Variants in TTL observed in about 807,000 individuals in gnomAD.
TTL encodes the protein tubulin--tyrosine ligase.
Under a neutral mutation model 41.1 loss-of-function variants are expected in TTL, and 10 were observed. The observed-to-expected ratio is 0.24, with a 90% confidence interval of 0.15 to 0.41. The LOEUF (loss-of-function observed/expected upper bound fraction) is 0.41. Among genes scored for constraint, TTL ranks in the 10% least tolerant of loss-of-function variants. The probability of loss-of-function intolerance (pLI) is 1.00; values close to 1 mark genes in which losing one functional copy is unlikely to be tolerated. For synonymous variants in TTL, 175 were observed against 175.5 expected (o/e 1.00, Z 0.02); for missense variants, 367 against 460.4 (o/e 0.80, Z 1.86).
chr2:112,516,801 A>G (rs7559710), intron 5 of TTL, among the ~76,000 whole-genome samples: 28,619 of 152,056 alleles, frequency 0.19, 2,827 homozygotes, highest in East Asian at 0.29. Flanking sequence ...CTTTTTCCTT[A>G]CTGTATTCTC....
intron 5 of TTL, among the ~76,000 whole-genome samples, chr2:112,510,649 T>A (rs1242084074): frequency 2.0e-5 from 3 of 152,176 alleles, no homozygotes; most frequent in Non-Finnish European, 1.5e-5. Context: ...TTTTGTATTT[T>A]TAGGAGACAC....
At position 112,532,762 on chromosome 2, in the gene TTL, C is replaced by CGACTCTTAAAAAATAAAA; in HGVS notation, c.*3967_*3968insGACTCTTAAAAAATAAAA. On this transcript the variant is annotated 3_prime_UTR_variant, in exon 7 of 7. Coordinates refer to ENST00000233336, the MANE Select transcript of TTL (RefSeq NM_153712.5). Reference sequence around the variant, plus strand: ...TTTGCATACTTTTTGTTTTTTTCTCCAACTCTTAGCTCATAGGCCGTATAA... The same window carrying CGACTCTTAAAAAATAAAA: ...TTTGCATACTTTTTGTTTTTTTCTCCGACTCTTAAAAAATAAAAAACTCTTAGCTCATAGGCCGTATAA... The CGACTCTTAAAAAATAAAA allele has an allele frequency of 7.0e-6, 1 of 142,342 alleles. No individual in the cohort carries two copies. Among genetic ancestry groups the CGACTCTTAAAAAATAAAA allele is most frequent in the African/African-American group, 2.9e-5 (1 of 34,766 alleles). The allele number at this position is 142,342 out of a possible 1,614,324, so 8.8% of individuals were successfully genotyped here. A position where few individuals can be genotyped will look rare whatever the true frequency, so the allele number is the denominator to read the frequency against.
At position 112,531,489 on chromosome 2, in the gene TTL, C is replaced by G. The variant is rs1480605116; in HGVS notation, c.*2694C>G. 1 of 229,734 alleles carries G rather than the reference C, an allele frequency of 4.4e-6. No individual in the cohort carries two copies. Among genetic ancestry groups the G allele is most frequent in the African/African-American group, 2.2e-5 (1 of 45,108 alleles). The allele number at this position is 229,734 out of a possible 1,614,324, so 14.2% of individuals were successfully genotyped here. ...AGGAAGATGCAAGAGCCTTTAGTAC[C>G]AAGGTTCTCAACACTGACTACATGC... is the stretch of plus-strand genomic sequence containing the variant. On this transcript the variant is annotated 3_prime_UTR_variant, in exon 7 of 7. Transcript: ENST00000233336.
chr2:112,491,744 T>C (rs905266646), intron 2 of TTL, among the ~76,000 whole-genome samples: 7 of 152,322 alleles, frequency 4.6e-5, no homozygotes, highest in Non-Finnish European at 1.0e-4. Flanking sequence ...AAAATACTTA[T>C]CAAGTTTATT....
rs528764929 is a variant in TTL at position 112,534,395 on chromosome 2, G to A, written c.*5600G>A. On this transcript the variant is annotated 3_prime_UTR_variant, in exon 7 of 7. Transcript: ENST00000233336. ...AAAGCAAGCTTTCTGACATTTTAAT[G>A]TACCCTATTCCCACTCCCCCTTTCC... is the stretch of plus-strand genomic sequence containing the variant. The A allele has an allele frequency of 6.7e-6, 1 of 149,938 alleles. No individual in the cohort carries two copies. The highest frequency in any genetic ancestry group is 1.5e-5 in the Non-Finnish European group (1 of 67,580). 9.3% of individuals were successfully genotyped at this position (149,938 alleles called of 1,614,324 possible).
chr2:112,512,511 C>G (rs1681952042), intron 5 of TTL, among the ~76,000 whole-genome samples: 1 of 152,122 alleles, frequency 6.6e-6, no homozygotes, highest in Non-Finnish European at 1.5e-5. Flanking sequence ...ATCCGTCCAC[C>G]TCGGCCTCCC....
At chr2:112,491,572 A>G (rs939035698) in intron 2 of TTL, among the ~76,000 whole-genome samples, 1 of 152,226 alleles carries the variant, frequency 6.6e-6, no homozygotes, top group African/African-American at 2.4e-5. Flanking sequence ...TTTTAAAACT[A>G]CATTTGCATC....
chr2:112,500,441 C>T (rs1681659021), intron 3 of TTL, among the ~76,000 whole-genome samples: 2 of 151,992 alleles, frequency 1.3e-5, no homozygotes, highest in Non-Finnish European at 2.9e-5. Flanking sequence ...CATGGTGGTG[C>T]ACGCCTGTAA....
chr2:112,488,864 G>T (rs1159461057), intron 2 of TTL, among the ~76,000 whole-genome samples: 1 of 152,060 alleles, frequency 6.6e-6, no homozygotes, highest in Non-Finnish European at 1.5e-5. Context: ...CGAGGCGGGC[G>T]GATCACGATG....
chr2:112,486,373 C>CA (rs1274939340), intron 2 of TTL, among the ~76,000 whole-genome samples: 1 of 152,214 alleles, frequency 6.6e-6, no homozygotes, highest in Non-Finnish European at 1.5e-5. Context: ...AATGGCACCT[C>CA]AGAGTTGTCA....
Position 112,529,847 on chromosome 2 carries a change from T to A in TTL, c.*1052T>A, listed in dbSNP as rs55976150. The A allele has an allele frequency of 6.2e-3, 1,380 of 222,878 alleles. 8 individuals are homozygous for A. The highest frequency in any genetic ancestry group is 9.6e-3 in the Non-Finnish European group (1,069 of 111,544). The allele number at this position is 222,878 out of a possible 1,614,324, so 13.8% of individuals were successfully genotyped here. A position where few individuals can be genotyped will look rare whatever the true frequency, so the allele number is the denominator to read the frequency against. ...GTATTAGGAGAGTATATATCCTGCCTGAATGGGGAAGTCTTCTAAAATGGG... is the reference window on the plus strand; with the variant it reads ...GTATTAGGAGAGTATATATCCTGCCAGAATGGGGAAGTCTTCTAAAATGGG... On this transcript the variant is annotated 3_prime_UTR_variant, in exon 7 of 7. Transcript: ENST00000233336.
chr2:112,495,147 A>G (rs1681493282), intron 3 of TTL, among the ~76,000 whole-genome samples: 1 of 152,168 alleles, frequency 6.6e-6, no homozygotes, highest in African/African-American at 2.4e-5. Flanking sequence ...CGAATATTCC[A>G]AACTTGTCTC....
chr2:112,521,392 G>A (rs1467867681), intron 6 of TTL: 3 of 982,942 alleles, frequency 3.1e-6, no homozygotes, highest in African/African-American at 3.5e-5. Context: ...AAAGTCACTC[G>A]GACTCAATTC....
Position 112,503,159 on chromosome 2 carries a change from C to G in TTL, c.853C>G (p.Leu285Val), listed in dbSNP as rs377226828. 3 of 1,599,590 alleles carry G rather than the reference C, an allele frequency of 1.9e-6. No homozygotes were observed. The highest frequency in any genetic ancestry group is 2.6e-6 in the Non-Finnish European group (3 of 1,171,918). The stretch of plus-strand genomic sequence containing the variant: ...CATTACCCTAGAAAGTAGTATCTTA[C>G]TACAAATCAAACATATAATAAGGTA... ...LNITLESSIL[L>V]QIKHIIRNCL... The change falls in exon 5 of 7, where the codon CTA becomes GTA. Residue 285 changes from leucine to valine, a missense_variant. Physicochemically the swap from Leu to Val is conservative, Grantham distance 32. Coordinates refer to ENST00000233336, the MANE Select transcript of TTL (RefSeq NM_153712.5).
rs778135099 is a variant in TTL at position 112,503,161 on chromosome 2, A to G, written c.855A>G (p.Leu285=). 2 of 1,599,388 alleles carry G rather than the reference A, an allele frequency of 1.3e-6. No individual in the cohort carries two copies. Among genetic ancestry groups the G allele is most frequent in the Non-Finnish European group, 8.5e-7 (1 of 1,171,852 alleles). The change falls in exon 5 of 7, where the codon CTA becomes CTG. Residue 285 remains leucine (L), a synonymous_variant. Coordinates refer to ENST00000233336, the MANE Select transcript of TTL (RefSeq NM_153712.5). ...TTACCCTAGAAAGTAGTATCTTACT[A>G]CAAATCAAACATATAATAAGGTAAC... The part of the protein sequence containing the change: ...LNITLESSIL[L]QIKHIIRNCL...
At position 112,538,776 on chromosome 2, in the gene TTL, C is replaced by T. The variant is rs1320172012; in HGVS notation, c.*9981C>T. ...CTAGGTGACAGAGCAAGTCCTGTCT[C>T]AAAAAAATTAAAAAGTGGGAGCTAA... On this transcript the variant is annotated 3_prime_UTR_variant, in exon 7 of 7. Transcript: ENST00000233336. The T allele has an allele frequency of 1.3e-5, 2 of 151,248 alleles. No individual in the cohort carries two copies. The highest frequency in any genetic ancestry group is 3.9e-4 in the East Asian group (2 of 5,110). The allele number at this position is 151,248 out of a possible 1,614,324, so 9.4% of individuals were successfully genotyped here. A position where few individuals can be genotyped will look rare whatever the true frequency, so the allele number is the denominator to read the frequency against.
At chr2:112,516,715 C>T (rs1365565941) in intron 5 of TTL, among the ~76,000 whole-genome samples, 1 of 152,132 alleles carries the variant, frequency 6.6e-6, no homozygotes, top group Non-Finnish European at 1.5e-5. Context: ...ATGTGAGCGT[C>T]TGTTCTAGGA....
intron 5 of TTL, among the ~76,000 whole-genome samples, chr2:112,503,503 G>C (rs913436091): frequency 3.4e-5 from 5 of 149,104 alleles, no homozygotes; most frequent in African/African-American, 9.8e-5. Context: ...GTGCGATCTC[G>C]GCTCACCACA....
At position 112,530,279 on chromosome 2, in the gene TTL, A is replaced by G. The variant is rs80337254; in HGVS notation, c.*1484A>G. On this transcript the variant is annotated 3_prime_UTR_variant, in exon 7 of 7. Coordinates refer to ENST00000233336, the MANE Select transcript of TTL (RefSeq NM_153712.5). ...ACAATGAAAAAGGCAATAATGATAGAAATTATTTCTTAGGTACAGCAATAG... is the reference window on the plus strand; with the variant it reads ...ACAATGAAAAAGGCAATAATGATAGGAATTATTTCTTAGGTACAGCAATAG... 1,242 of 231,694 alleles carry G rather than the reference A, an allele frequency of 5.4e-3. 15 individuals are homozygous for G. Among genetic ancestry groups the G allele is most frequent in the African/African-American group, 0.025 (1,138 of 45,374 alleles). The allele number at this position is 231,694 out of a possible 1,614,324, so 14.4% of individuals were successfully genotyped here. A position where few individuals can be genotyped will look rare whatever the true frequency, so the allele number is the denominator to read the frequency against.
Sources: allele counts gnomAD v4.1 joint callset (sites outside exome capture counted in the v4.1 genomes callset), GRCh38; gene constraint gnomAD v4.1.1; transcripts MANE v1.5; gene names NCBI Gene and HGNC (gene_info 2026-07-23, HGNC 2026-07-21).